LIN52: variants seen among roughly 807,000 people sequenced by gnomAD.
LIN52 encodes lin-52 DREAM MuvB core complex component, also known as protein lin-52 homolog.
Under a neutral mutation model 18.5 loss-of-function variants are expected in LIN52, and 4 were observed. That is an observed-to-expected ratio of 0.22 (90% CI 0.11 to 0.49). The LOEUF is 0.49. LIN52 is among the 20% of genes least tolerant of loss of function. LIN52 has a pLI of 0.97. For synonymous variants in LIN52, 34 were observed against 45.5 expected, an observed-to-expected ratio of 0.75 and a Z score of 1.02; for missense variants, 102 against 139.5, an observed-to-expected ratio of 0.73 and a Z score of 1.35.
intron 5 of LIN52, among the ~76,000 whole-genome samples, chr14:74,197,621 G>A (rs1313624023): frequency 6.6e-6 from 1 of 152,188 alleles, no homozygotes; most frequent in African/African-American, 2.4e-5. Flanking sequence ...TCTGGGTTGG[G>A]GTTGTGAGCA....
intron 2 of LIN52, among the ~76,000 whole-genome samples, chr14:74,093,537 G>T (rs1027753763): frequency 6.6e-6 from 1 of 151,628 alleles, no homozygotes; most frequent in African/African-American, 2.4e-5. Flanking sequence ...TGTTGGACAG[G>T]CTGGTCTTGA....
intron 5 of LIN52, among the ~76,000 whole-genome samples, chr14:74,142,769 A>C (rs1030047329): frequency 1.3e-5 from 2 of 148,350 alleles, no homozygotes; most frequent in African/African-American, 5.0e-5. Flanking sequence ...CAAAAACAAA[A>C]AACGGAAGAA....
At chr14:74,180,483 C>T (rs1329593780) in intron 5 of LIN52, among the ~76,000 whole-genome samples, 1 of 151,636 alleles carries the variant, frequency 6.6e-6, no homozygotes, top group Non-Finnish European at 1.5e-5. Context: ...TGGTCTCGAT[C>T]TCCTGACCTC....
At chr14:74,176,738 A>G (rs539007155) in intron 5 of LIN52, among the ~76,000 whole-genome samples, 1 of 152,320 alleles carries the variant, frequency 6.6e-6, no homozygotes, top group African/African-American at 2.4e-5. Context: ...TTTATGCAGC[A>G]CATGACTATA....
chr14:74,107,638 G>A (rs2060904972), intron 5 of LIN52, among the ~76,000 whole-genome samples: 1 of 151,940 alleles, frequency 6.6e-6, no homozygotes, highest in African/African-American at 2.4e-5. Context: ...TTTAAGATAA[G>A]AATCATATTT....
intron 5 of LIN52, among the ~76,000 whole-genome samples, chr14:74,128,933 C>T (rs1231133432): frequency 2.0e-5 from 3 of 152,098 alleles, no homozygotes; most frequent in African/African-American, 4.8e-5. Flanking sequence ...CAGAGCAAGA[C>T]TCTGTCTAAA....
intron 5 of LIN52, among the ~76,000 whole-genome samples, chr14:74,158,460 ATTTT>A (rs2061210302): frequency 7.3e-6 from 1 of 137,684 alleles, no homozygotes; most frequent in Non-Finnish European, 1.6e-5. Context: ...TTTCTTTTTT[ATTTT>A]TATTTATTTA....
chr14:74,188,286 G>C (rs1027879325), intron 5 of LIN52, among the ~76,000 whole-genome samples: 2 of 152,024 alleles, frequency 1.3e-5, no homozygotes, highest in African/African-American at 4.8e-5. Context: ...GTGGTATGAA[G>C]ACAGCATCTT....
chr14:74,132,909 T>A (rs1158720483), intron 5 of LIN52, among the ~76,000 whole-genome samples: 2 of 152,026 alleles, frequency 1.3e-5, no homozygotes, highest in Non-Finnish European at 2.9e-5. Flanking sequence ...ATATATAAAA[T>A]GAAAATGACA....
chr14:74,158,067 T>G (rs1295444500), intron 5 of LIN52, among the ~76,000 whole-genome samples: 5 of 152,010 alleles, frequency 3.3e-5, no homozygotes, highest in Admixed American at 1.3e-4. Flanking sequence ...CCTTTCTTGT[T>G]AAGACAATTA....
chr14:74,097,944 A>G (rs1432967862), intron 4 of LIN52, 84 bp downstream of exon 4: 2 of 1,059,948 alleles, frequency 1.9e-6, no homozygotes, highest in Non-Finnish European at 2.8e-6. Context: ...CTGTTTCCTT[A>G]CAAGTATTTT....
At chr14:74,135,107 C>T (rs765329250) in intron 5 of LIN52, among the ~76,000 whole-genome samples, 54 of 152,102 alleles carry the variant, frequency 3.6e-4, no homozygotes, top group Admixed American at 2.6e-3. Flanking sequence ...GCTCTGTCGC[C>T]AGGCTGGAGT....
chr14:74,144,162 T>A lies in LIN52; in HGVS notation c.283+42924T>A, dbSNP rs138833690. ...TTTTTTAAGACAGGGTCTTGCTCTG[T>A]CACCCAGGCTGGTGTGCAGTGGTAC... is the stretch of plus-strand genomic sequence containing the variant. On this transcript the variant is annotated intron_variant, in intron 5 of 5. Coordinates refer to ENST00000555028, the MANE Select transcript of LIN52 (RefSeq NM_001024674.3). Among the ~76,000 whole-genome samples the A allele has an allele frequency of 5.9e-3, 892 of 151,806 alleles. 9 individuals are homozygous for A. Among genetic ancestry groups the A allele is most frequent in the African/African-American group, 0.02 (844 of 41,366 alleles).
chr14:74,143,745 A>G (rs570063913), intron 5 of LIN52, among the ~76,000 whole-genome samples: 2 of 152,210 alleles, frequency 1.3e-5, no homozygotes, highest in South Asian at 2.1e-4. Flanking sequence ...GGTAGCTAGC[A>G]TATCTATTAC....
At chr14:74,110,898 G>A (rs10145111) in intron 5 of LIN52, among the ~76,000 whole-genome samples, 4,827 of 142,258 alleles carry the variant, frequency 0.034, 203 homozygotes, top group African/African-American at 0.1. Context: ...CCTGGGAGGT[G>A]GAGCTTGCAG....
chr14:74,092,681 C>T (rs897744962), intron 2 of LIN52, among the ~76,000 whole-genome samples: 2 of 151,492 alleles, frequency 1.3e-5, no homozygotes, highest in African/African-American at 4.8e-5. Flanking sequence ...CTTTGGGAGG[C>T]CAATGCGGGT....
chr14:74,157,403 A>G (rs897514027), intron 5 of LIN52, among the ~76,000 whole-genome samples: 1 of 151,728 alleles, frequency 6.6e-6, no homozygotes, highest in African/African-American at 2.4e-5. Context: ...CTAACCACAG[A>G]TACTTCTTTG....
At chr14:74,169,984 G>C (rs2061263948) in intron 5 of LIN52, among the ~76,000 whole-genome samples, 1 of 152,164 alleles carries the variant, frequency 6.6e-6, no homozygotes, top group African/African-American at 2.4e-5. Flanking sequence ...GGGTCTTGAA[G>C]AGCACATAAA....
At chr14:74,126,802 A>G in intron 5 of LIN52, among the ~76,000 whole-genome samples, 1 of 152,212 alleles carries the variant, frequency 6.6e-6, no homozygotes, top group East Asian at 1.9e-4. Context: ...ATGTTTTGGA[A>G]CTTGATACAA....
Sources: allele counts gnomAD v4.1 joint callset (sites outside exome capture counted in the v4.1 genomes callset), GRCh38; gene constraint gnomAD v4.1.1; transcripts MANE v1.5; gene names NCBI Gene and HGNC (gene_info 2026-07-23, HGNC 2026-07-21).